The following NR3C2 variants were observed in gnomAD, a reference collection of about 807,000 sequenced individuals.
NR3C2 encodes nuclear receptor subfamily 3 group C member 2.
Under a neutral mutation model 86.4 loss-of-function variants are expected in NR3C2, and 15 were observed. The ratio of observed to expected loss-of-function variants is 0.17; its 90% confidence interval spans 0.12 to 0.27. NR3C2 has a LOEUF of 0.27. NR3C2 is among the 10% of genes least tolerant of loss of function. The pLI is 1.00. For missense variants in NR3C2, 960 were observed against 1,195.6 expected (o/e 0.80, Z 2.91); for synonymous variants, 458 against 450.5 (o/e 1.02, Z -0.21).
intron 2 of NR3C2, among the ~76,000 whole-genome samples, chr4:148,306,697 A>G (rs1251798119): frequency 1.3e-5 from 2 of 152,240 alleles, no homozygotes; most frequent in Admixed American, 1.3e-4. Context: ...AGGAAAAAAC[A>G]TATTAATGAA....
chr4:148,303,923 G>T (rs545292053), intron 2 of NR3C2, among the ~76,000 whole-genome samples: 4 of 152,196 alleles, frequency 2.6e-5, no homozygotes, highest in Non-Finnish European at 5.9e-5. Context: ...TTAAAGGCGC[G>T]TTGACCCCCA....
chr4:148,204,362 T>C (rs1240669424), intron 3 of NR3C2, among the ~76,000 whole-genome samples: 1 of 152,182 alleles, frequency 6.6e-6, no homozygotes, highest in Non-Finnish European at 1.5e-5. Context: ...ACATCTGTTA[T>C]CTAGATAAAC....
chr4:148,091,560 T>C (rs1212972821), intron 8 of NR3C2, among the ~76,000 whole-genome samples: 1 of 152,192 alleles, frequency 6.6e-6, no homozygotes, highest in African/African-American at 2.4e-5. Flanking sequence ...TCAGCATGGA[T>C]ACTGACCAGC....
At chr4:148,289,836 C>T (rs894892087) in intron 2 of NR3C2, among the ~76,000 whole-genome samples, 2 of 152,032 alleles carry the variant, frequency 1.3e-5, no homozygotes, top group Non-Finnish European at 2.9e-5. Context: ...ATGTCACATG[C>T]GAGCTGCCCT....
intron 2 of NR3C2, among the ~76,000 whole-genome samples, chr4:148,291,416 A>G (rs1450667547): frequency 6.6e-6 from 1 of 152,022 alleles, no homozygotes; most frequent in Non-Finnish European, 1.5e-5. Flanking sequence ...ATCTTAGAGA[A>G]CTGCTTTGTA....
chr4:148,272,439 T>C (rs1296319561), intron 2 of NR3C2, among the ~76,000 whole-genome samples: 2 of 152,198 alleles, frequency 1.3e-5, no homozygotes, highest in African/African-American at 4.8e-5. Context: ...TTGAATTAGA[T>C]ACCTTTATTA....
intron 3 of NR3C2, among the ~76,000 whole-genome samples, chr4:148,256,258 G>GCAGCT (rs1739826189): frequency 6.6e-6 from 1 of 152,122 alleles, no homozygotes; most frequent in South Asian, 2.1e-4. Flanking sequence ...ACCTCAAAGG[G>GCAGCT]CAGCTCTCAG....
chr4:148,238,045 T>C (rs1265615827), intron 3 of NR3C2, among the ~76,000 whole-genome samples: 7 of 152,188 alleles, frequency 4.6e-5, no homozygotes, highest in African/African-American at 1.7e-4. Context: ...AATATGCTTC[T>C]TTTTTCCTAA....
chr4:148,361,726 T>C (rs968400652), intron 2 of NR3C2, among the ~76,000 whole-genome samples: 7 of 152,176 alleles, frequency 4.6e-5, no homozygotes, highest in African/African-American at 1.7e-4. Context: ...TCTCCTTCCA[T>C]TCTTACAAGG....
intron 2 of NR3C2, among the ~76,000 whole-genome samples, chr4:148,343,723 T>C (rs1312597681): frequency 6.6e-6 from 1 of 152,060 alleles, no homozygotes; most frequent in Non-Finnish European, 1.5e-5. Context: ...AAAGGTCAGA[T>C]TAGGTAGCAA....
chr4:148,208,382 G>C (rs1248164234), intron 3 of NR3C2: 1 of 152,258 alleles, frequency 6.6e-6, no homozygotes, highest in East Asian at 1.9e-4. Context: ...CCAAAGCTGG[G>C]ATCTCTGTGT....
intron 4 of NR3C2, among the ~76,000 whole-genome samples, chr4:148,189,670 A>G (rs1414708764): frequency 6.6e-6 from 1 of 152,002 alleles, no homozygotes; most frequent in Non-Finnish European, 1.5e-5. Context: ...TTTTGTTGAC[A>G]ATTTTTTAGT....
At chr4:148,187,401 G>A (rs955747264) in intron 4 of NR3C2, among the ~76,000 whole-genome samples, 3 of 151,990 alleles carry the variant, frequency 2.0e-5, no homozygotes, top group Non-Finnish European at 4.4e-5. Flanking sequence ...GGCCATTCTT[G>A]CAGGAGTGAG....
intron 7 of NR3C2, among the ~76,000 whole-genome samples, chr4:148,116,859 G>A (rs907970675): frequency 3.9e-5 from 6 of 152,164 alleles, no homozygotes; most frequent in African/African-American, 1.4e-4. Context: ...AATTTAGATT[G>A]AGTAGTCAAC....
At chr4:148,303,872 A>G (rs939121160) in intron 2 of NR3C2, among the ~76,000 whole-genome samples, 1 of 152,202 alleles carries the variant, frequency 6.6e-6, no homozygotes, top group Non-Finnish European at 1.5e-5. Context: ...CATGGGTATG[A>G]GCGGATATTT....
intron 2 of NR3C2, among the ~76,000 whole-genome samples, chr4:148,340,738 T>C (rs959231137): frequency 2.0e-5 from 3 of 152,130 alleles, no homozygotes; most frequent in Non-Finnish European, 4.4e-5. Flanking sequence ...AAGGGATTAA[T>C]AATCAGAATA....
intron 2 of NR3C2, among the ~76,000 whole-genome samples, chr4:148,260,965 A>G (rs1002995135): frequency 2.0e-5 from 3 of 152,234 alleles, no homozygotes; most frequent in Non-Finnish European, 4.4e-5. Context: ...GACAGTTTAG[A>G]TATGTACCAA....
rs1055095988 is a variant in NR3C2, at chr4:148,393,221, T to C, written c.1757+41883A>G. Among the ~76,000 whole-genome samples the C allele has an allele frequency of 5.3e-5, 8 of 152,330 alleles. No homozygotes were observed. In the South Asian group the frequency reaches 1.7e-3, roughly 32 times the overall value. On this transcript the variant is annotated intron_variant, in intron 2 of 8. Transcript: ENST00000358102. The stretch of plus-strand genomic sequence containing the variant: ...AAATGTGAACGCACCTGACATTTTT[T>C]AGTAGGGAAATAAGTTTAAAGTACA...
intron 2 of NR3C2, among the ~76,000 whole-genome samples, chr4:148,354,276 T>C (rs530243070): frequency 6.6e-6 from 1 of 152,302 alleles, no homozygotes; most frequent in South Asian, 2.1e-4. Flanking sequence ...CTAGCTTACC[T>C]TACTATAAGA....
Sources: gnomAD v4.1 joint callset for allele counts (sites outside exome capture counted in the v4.1 genomes callset) on GRCh38, gnomAD v4.1.1 for gene constraint, MANE v1.5 for transcripts, NCBI Gene and HGNC (gene_info 2026-07-23, HGNC 2026-07-21) for gene names.